The following ANKS1B variants were observed in gnomAD, a reference collection of about 807,000 sequenced individuals.
The protein encoded by ANKS1B is ankyrin repeat and sterile alpha motif domain containing 1B.
ANKS1B carries 36 observed loss-of-function variants against 148.3 expected under a neutral mutation model. The ratio of observed to expected loss-of-function variants is 0.24; its 90% CI spans 0.19 to 0.32. ANKS1B has a LOEUF of 0.32. Among genes scored for constraint, ANKS1B ranks in the 10% least tolerant of loss-of-function variants. The probability of loss-of-function intolerance (pLI) is 1.00; values close to 1 mark genes in which losing one functional copy is unlikely to be tolerated. For missense variants in ANKS1B, 1,157 were observed against 1,542.6 expected (o/e 0.75, Z 4.19); for synonymous variants, 542 against 560.8 (o/e 0.97, Z 0.47).
chr12:99,944,602 G>A (rs950412639), intron 1 of ANKS1B, among the ~76,000 whole-genome samples: 1 of 152,112 alleles, frequency 6.6e-6, no homozygotes, highest in Admixed American at 6.5e-5. Context: ...TGCTGGACTC[G>A]CAGGCAAAAC....
At chr12:98,805,430 T>TCA (rs1455041322) in intron 20 of ANKS1B, among the ~76,000 whole-genome samples, 1 of 152,140 alleles carries the variant, frequency 6.6e-6, no homozygotes, top group African/African-American at 2.4e-5. Context: ...TACTTTGACA[T>TCA]TAGAATTTTA....
intron 15 of ANKS1B, among the ~76,000 whole-genome samples, chr12:99,129,845 T>C (rs1183190998): frequency 6.6e-6 from 1 of 152,190 alleles, no homozygotes; most frequent in Non-Finnish European, 1.5e-5. Flanking sequence ...AGTATAACAT[T>C]GGGATTTTAA....
chr12:99,429,180 G>A (rs1028717313), intron 11 of ANKS1B, among the ~76,000 whole-genome samples: 1 of 151,962 alleles, frequency 6.6e-6, no homozygotes, highest in Non-Finnish European at 1.5e-5. Flanking sequence ...CGAAGAGAAA[G>A]AGTAACCTTA....
chr12:99,373,278 G>T (rs2093237137), intron 12 of ANKS1B, among the ~76,000 whole-genome samples: 1 of 152,072 alleles, frequency 6.6e-6, no homozygotes, highest in Non-Finnish European at 1.5e-5. Context: ...TGCATCAAGA[G>T]GTATCGTATG....
At chr12:98,997,613 G>A (rs1422105440) in intron 17 of ANKS1B, among the ~76,000 whole-genome samples, 2 of 151,948 alleles carry the variant, frequency 1.3e-5, no homozygotes, top group Non-Finnish European at 2.9e-5. Context: ...GGATGGTCTC[G>A]ATCTCTTGAC....
At chr12:99,286,454 C>T (rs2079130539) in intron 12 of ANKS1B, among the ~76,000 whole-genome samples, 1 of 152,026 alleles carries the variant, frequency 6.6e-6, no homozygotes, top group Non-Finnish European at 1.5e-5. Flanking sequence ...GCCACACTGG[C>T]TTTATGTGTG....
rs761487483 is a variant in ANKS1B at position 99,399,733 on chromosome 12, T to C, written c.1654A>G (p.Thr552Ala). Residue 552 changes from threonine (T) to alanine (A), a missense_variant, in exon 12 of 27, where the codon ACA becomes GCA. Thr to Ala is a moderately conservative substitution (Grantham distance 58). Transcript: ENST00000683438. ...GTAAAGCTTGTGCACCCTGTAGATG[T>C]GTTGATTTCAAAATATTCTTGGTTG... The part of the protein sequence containing the change: ...NHNQEYFEIN[T>A]STGCTSFTAS... 1 of 1,613,400 alleles carries C rather than the reference T, an allele frequency of 6.2e-7. No homozygotes were observed. Among genetic ancestry groups the C allele is most frequent in the African/African-American group, 1.3e-5 (1 of 74,898 alleles).
At chr12:99,761,065 C>CAAAAAAAAAAAAA (rs60542272) in intron 8 of ANKS1B, among the ~76,000 whole-genome samples, 3 of 98,700 alleles carry the variant, frequency 3.0e-5, no homozygotes, top group Admixed American at 1.2e-4. Flanking sequence ...GCCTAACAAC[C>CAAAAAAAAAAAAA]AAAAAAAAAA....
At chr12:99,620,992 T>G (rs1420540407) in intron 9 of ANKS1B, among the ~76,000 whole-genome samples, 1 of 152,000 alleles carries the variant, frequency 6.6e-6, no homozygotes, top group Non-Finnish European at 1.5e-5. Flanking sequence ...AGAAAAAATC[T>G]TAAAGGCAAA....
At chr12:99,962,338 G>A (rs1007663825) in intron 1 of ANKS1B, among the ~76,000 whole-genome samples, 8 of 151,990 alleles carry the variant, frequency 5.3e-5, no homozygotes, top group African/African-American at 7.3e-5. Context: ...TGAGGATGAC[G>A]GCTTCCAGCT....
Position 98,745,202 on chromosome 12 carries a change from C to T in ANKS1B, c.*537G>A, listed in dbSNP as rs942839651. The T allele has an allele frequency of 5.1e-6, 5 of 985,564 alleles. No individual in the cohort carries two copies. The highest frequency in any genetic ancestry group is 6.0e-6 in the Non-Finnish European group (5 of 829,928). The allele number at this position is 985,564 out of a possible 1,614,324, so 61.1% of individuals were successfully genotyped here. A position where few individuals can be genotyped will look rare whatever the true frequency, so the allele number is the denominator to read the frequency against. On this transcript the variant is annotated 3_prime_UTR_variant, in exon 27 of 27. Transcript: ENST00000683438. Reference sequence around the variant, plus strand: ...ATATAGAAATGGGGAAACAGAATCTCCTGGCAATCATATCACGGGAGTTGT... The same window carrying T: ...ATATAGAAATGGGGAAACAGAATCTTCTGGCAATCATATCACGGGAGTTGT...
intron 1 of ANKS1B, among the ~76,000 whole-genome samples, chr12:99,839,037 TA>T (rs1350987179): frequency 2.0e-5 from 3 of 152,112 alleles, no homozygotes; most frequent in Non-Finnish European, 4.4e-5. Flanking sequence ...CTGATATATA[TA>T]TTCTTAACTG....
chr12:98,852,936 A>G (rs1167268691), intron 17 of ANKS1B, among the ~76,000 whole-genome samples: 1 of 152,238 alleles, frequency 6.6e-6, no homozygotes, highest in African/African-American at 2.4e-5. Context: ...AGTCCCTATG[A>G]GGATCCAAAA....
chr12:98,864,466 G>A (rs1262219123), intron 17 of ANKS1B, among the ~76,000 whole-genome samples: 2 of 152,130 alleles, frequency 1.3e-5, no homozygotes, highest in Non-Finnish European at 2.9e-5. Context: ...GTTTTTGGAT[G>A]AGACTGCTGT....
intron 9 of ANKS1B, among the ~76,000 whole-genome samples, chr12:99,652,299 G>A (rs546705673): frequency 6.6e-6 from 1 of 151,884 alleles, no homozygotes; most frequent in South Asian, 2.1e-4. Flanking sequence ...ATTGTGAAAT[G>A]CCGTCTCTAC....
At chr12:99,160,116 G>A (rs905667885) in intron 14 of ANKS1B, among the ~76,000 whole-genome samples, 2 of 152,068 alleles carry the variant, frequency 1.3e-5, no homozygotes, top group African/African-American at 2.4e-5. Context: ...TATAGATTCT[G>A]GATATTAGAT....
At chr12:98,886,090 T>A (rs770379223) in intron 17 of ANKS1B, among the ~76,000 whole-genome samples, 22 of 151,918 alleles carry the variant, frequency 1.4e-4, no homozygotes, top group Non-Finnish European at 2.5e-4. Flanking sequence ...AATGAAAGTA[T>A]CACAGCATAT....
intron 8 of ANKS1B, among the ~76,000 whole-genome samples, chr12:99,659,934 G>A (rs553180136): frequency 5.9e-5 from 9 of 152,070 alleles, no homozygotes; most frequent in Non-Finnish European, 4.4e-5. Flanking sequence ...CTCTTCAAGG[G>A]GACAACAAAT....
chr12:98,868,689 G>C (rs185172432), intron 17 of ANKS1B, among the ~76,000 whole-genome samples: 19 of 152,336 alleles, frequency 1.2e-4, no homozygotes, highest in Non-Finnish European at 2.8e-4. Flanking sequence ...CCACAAAGTG[G>C]AATGACATTG....
Sources: allele counts gnomAD v4.1 joint callset (sites outside exome capture counted in the v4.1 genomes callset), GRCh38; gene constraint gnomAD v4.1.1; transcripts MANE v1.5; gene names NCBI Gene and HGNC (gene_info 2026-07-23, HGNC 2026-07-21).